Variants in PPP2R2D observed in about 807,000 individuals in gnomAD.
PPP2R2D encodes protein phosphatase 2 regulatory subunit Bdelta.
Under a neutral mutation model 31.1 loss-of-function variants are expected in PPP2R2D, and 9 were observed. The observed-to-expected ratio is 0.29, with a 90% CI of 0.17 to 0.51. The LOEUF (loss-of-function observed/expected upper bound fraction) is 0.51. Among genes scored for constraint, PPP2R2D ranks in the 20% least tolerant of loss-of-function variants. PPP2R2D has a pLI of 0.98. For synonymous variants in PPP2R2D, 179 were observed against 172.6 expected (o/e 1.04, Z -0.29); for missense variants, 391 against 465.6 (o/e 0.84, Z 1.48).
chr10:131,967,444 A>G, the PPP2R2D span: 1 of 152,260 alleles, frequency 6.6e-6, no homozygotes, highest in Non-Finnish European at 1.5e-5. Flanking sequence ...TGCCATCCAC[A>G]TTCTCCAAAT....
intron 2 of PPP2R2D, among the ~76,000 whole-genome samples, chr10:131,905,851 G>A (rs1324950458): frequency 5.3e-5 from 8 of 152,200 alleles, no homozygotes; most frequent in African/African-American, 1.4e-4. Context: ...TGTGGCATGC[G>A]GCCGTCCAGC....
At chr10:131,922,805 C>G (rs188194422) in intron 2 of PPP2R2D, among the ~76,000 whole-genome samples, 2 of 152,042 alleles carry the variant, frequency 1.3e-5, no homozygotes, top group Admixed American at 1.3e-4. Flanking sequence ...AAAACAAAGT[C>G]CCTTTAGGTT....
intron 2 of PPP2R2D, among the ~76,000 whole-genome samples, chr10:131,914,663 G>GAGCA (rs2035745298): frequency 6.6e-6 from 1 of 152,142 alleles, no homozygotes; most frequent in Non-Finnish European, 1.5e-5. Context: ...GCCCCTCGGA[G>GAGCA]AGCAGTCTGT....
At chr10:131,970,721 C>T in the PPP2R2D span, 1 of 1,614,226 alleles carries the variant, frequency 6.2e-7, no homozygotes. The surrounding 1 kb of genome is among the most constrained non-coding windows in gnomAD (Gnocchi z 4.1). Flanking sequence ...TGCCCCCTTT[C>T]TTCATGACGC....
intron 2 of PPP2R2D, among the ~76,000 whole-genome samples, chr10:131,903,172 A>G (rs1451438534): frequency 5.9e-5 from 9 of 152,008 alleles, no homozygotes; most frequent in Non-Finnish European, 5.9e-5. Flanking sequence ...TTCTTTCTTT[A>G]AAAAAAATCT....
At chr10:131,926,187 T>C (rs1453688387) in intron 2 of PPP2R2D, among the ~76,000 whole-genome samples, 2 of 152,238 alleles carry the variant, frequency 1.3e-5, no homozygotes, top group African/African-American at 4.8e-5. Flanking sequence ...ATAGTGTCTC[T>C]AGAGTCTTAC....
At chr10:131,921,459 G>A (rs2035986863) in intron 2 of PPP2R2D, among the ~76,000 whole-genome samples, 1 of 152,160 alleles carries the variant, frequency 6.6e-6, no homozygotes, top group African/African-American at 2.4e-5. Context: ...CTTGAGCTCA[G>A]ATGCAAATGA....
chr10:131,970,852 G>A, the PPP2R2D span: 231 of 1,614,174 alleles, frequency 1.4e-4, no homozygotes, highest in African/African-American at 2.9e-3. This position sits in a 1 kb window ranked among gnomAD's most constrained non-coding sequence, Gnocchi z 4.1. Context: ...GTGACACTGA[G>A]AACACACTCA....
In PPP2R2D at chr10:131,959,352, C is replaced by T. The variant is rs1457551741; in HGVS notation, c.*3389C>T. 6.7e-6 allele frequency: 1 copy of T among 148,304 alleles called. No individual in the cohort carries two copies. The highest frequency in any genetic ancestry group is 1.5e-5 in the Non-Finnish European group (1 of 68,862). The allele number at this position is 148,304 out of a possible 1,614,324, so 9.2% of individuals were successfully genotyped here. On this transcript the variant is annotated 3_prime_UTR_variant, in exon 9 of 9. Transcript: ENST00000455566. ...GAGATGAAGGCGTGTGCTCATCCCC[C>T]ATCCCCCTGTGGAGATGAAGGCGTG...
intron 8 of PPP2R2D, among the ~76,000 whole-genome samples, chr10:131,951,312 G>A (rs2036631389): frequency 6.6e-6 from 1 of 152,208 alleles, no homozygotes; most frequent in African/African-American, 2.4e-5. Flanking sequence ...GCAAACAACT[G>A]GAGACAGCCC....
Position 131,934,459 on chromosome 10 carries a change from G to A in PPP2R2D, c.102G>A (p.Ala34=), listed in dbSNP as rs782583775. 5 of 777,818 alleles carry A rather than the reference G, an allele frequency of 6.4e-6. No individual in the cohort carries two copies. Among genetic ancestry groups the A allele is most frequent in the East Asian group, 2.4e-5 (1 of 41,210 alleles). 48.2% of individuals were successfully genotyped at this position (777,818 alleles called of 1,614,324 possible). ...KGAIDEDVAE[A]DIISTVEFNY... ...ATCGCTTCTGTATTTTGTTGACAGC[G>A]GACATCATTTCCACCGTTGAGTTTA... is the stretch of plus-strand genomic sequence containing the variant. The change falls in exon 3 of 9, where the codon GCG becomes GCA. Residue 34 remains alanine (A), a splice_region_variant and synonymous_variant. Transcript: ENST00000455566.
At chr10:131,918,763 ACG>A (rs2035887965) in intron 2 of PPP2R2D, among the ~76,000 whole-genome samples, 4 of 90,240 alleles carry the variant, frequency 4.4e-5, no homozygotes, top group South Asian at 3.9e-4. Context: ...GGGACCTCAC[ACG>A]GGTGGAATGA....
Position 131,928,192 on chromosome 10 carries a change from A to G in PPP2R2D, c.101-6266A>G, listed in dbSNP as rs138773321. ...CACCAGTTCATCTGCCTACTAGCCT[A>G]GGGTCCGATTTGCTAGTGCCTCCGG... is the stretch of plus-strand genomic sequence containing the variant. On this transcript the variant is annotated intron_variant, in intron 2 of 8. Transcript: ENST00000455566. Among the ~76,000 whole-genome samples, 195 of 152,280 alleles carry G rather than the reference A, an allele frequency of 1.3e-3. 1 individual carries two copies. Among genetic ancestry groups the G allele is most frequent in the African/African-American group, 4.6e-3 (191 of 41,576 alleles).
intron 2 of PPP2R2D, among the ~76,000 whole-genome samples, chr10:131,932,296 C>T (rs574103551): frequency 3.9e-5 from 6 of 152,264 alleles, no homozygotes; most frequent in African/African-American, 1.4e-4. Flanking sequence ...CAGGAGGTGC[C>T]AGGCTGTACC....
In PPP2R2D at chr10:131,945,141, C is replaced by T. The variant is rs2036511838; in HGVS notation, c.656-154C>T. On this transcript the variant is annotated intron_variant, in intron 6 of 8. Transcript: ENST00000455566. The surrounding 1 kb of genome is among the most constrained non-coding windows in gnomAD (Gnocchi z 4.8). ...CATCCCAATCCCCTTACCAGGCGCT[C>T]CTTTGGAATTCGGGATGTGTAACCA... 6.6e-6 allele frequency among the ~76,000 whole-genome samples: 1 copy of T among 152,158 alleles called. No individual in the cohort carries two copies. The highest frequency in any genetic ancestry group is 1.5e-5 in the Non-Finnish European group (1 of 68,024).
chr10:131,945,373 G>A lies in PPP2R2D; in HGVS notation c.734G>A (p.Cys245Tyr), dbSNP rs1554897843. The A allele has an allele frequency of 6.2e-7, 1 of 1,614,224 alleles. No homozygotes were observed. The highest frequency in any genetic ancestry group is 8.5e-7 in the Non-Finnish European group (1 of 1,180,044). Residue 245 changes from cysteine (C) to tyrosine (Y), a missense_variant, in exon 7 of 9, where the codon TGC becomes TAC. Coordinates refer to ENST00000455566, the MANE Select transcript of PPP2R2D (RefSeq NM_018461.5). The surrounding 1 kb of genome is among the most constrained non-coding windows in gnomAD (Gnocchi z 4.8). ...GCAGCCGAGTTCCACCCGCACCAGT[G>A]CAACGTGTTCGTCTACAGCAGTAGC... ...ITAAEFHPHQ[C>Y]NVFVYSSSKG...
At chr10:131,924,398 A>C (rs2036059307) in intron 2 of PPP2R2D, among the ~76,000 whole-genome samples, 1 of 152,046 alleles carries the variant, frequency 6.6e-6, no homozygotes, top group South Asian at 2.1e-4. Flanking sequence ...TTGCATGTGG[A>C]TATTTAGATG....
Position 131,957,175 on chromosome 10 carries a change from C to G in PPP2R2D, c.*1212C>G, listed in dbSNP as rs1207702586. On this transcript the variant is annotated 3_prime_UTR_variant, in exon 9 of 9. Coordinates refer to ENST00000455566, the MANE Select transcript of PPP2R2D (RefSeq NM_018461.5). ...GGAGTGGGGAGTCGGGCTCCCGTGC[C>G]CCTGTGGAGATGGAGGTGTGTGCTG... is the stretch of plus-strand genomic sequence containing the variant. The G allele has an allele frequency of 1.8e-5, 3 of 170,900 alleles. No homozygotes were observed. The South Asian group carries it at 3.6e-4, about 21-fold the overall frequency. The allele number at this position is 170,900 out of a possible 1,614,324, so 10.6% of individuals were successfully genotyped here. A position where few individuals can be genotyped will look rare whatever the true frequency, so the allele number is the denominator to read the frequency against.
Position 131,955,906 on chromosome 10 carries a change from T to G in PPP2R2D, c.1305T>G (p.Asn435Lys). Residue 435 changes from asparagine (N) to lysine (K), a missense_variant, in exon 9 of 9, where the codon AAT (asparagine) becomes AAG (lysine). Transcript: ENST00000455566. ...ILHTAWHPVD[N>K]VIAVAATNNL... ...ACACAGCCTGGCACCCCGTGGACAATGTCATTGCCGTGGCTGCCACCAATA... is the reference window on the plus strand; with the variant it reads ...ACACAGCCTGGCACCCCGTGGACAAGGTCATTGCCGTGGCTGCCACCAATA... 6.3e-7 allele frequency: 1 copy of G among 1,590,124 alleles called. No homozygotes were observed. The highest frequency in any genetic ancestry group is 8.6e-7 in the Non-Finnish European group (1 of 1,166,752).
Sources: allele counts gnomAD v4.1 joint callset (sites outside exome capture counted in the v4.1 genomes callset), GRCh38; gene constraint gnomAD v4.1.1; non-coding constraint Gnocchi (gnomAD v3.1); transcripts MANE v1.5; gene names NCBI Gene and HGNC (gene_info 2026-07-23, HGNC 2026-07-21).